The following FRMPD3 variants were observed in gnomAD, a reference collection of about 807,000 sequenced individuals.
FRMPD3 encodes the protein FERM and PDZ domain containing 3, also known as FERM and PDZ domain-containing protein 3.
FRMPD3 carries 42 observed loss-of-function variants against 97.9 expected under a neutral mutation model. That is an observed-to-expected ratio of 0.43 (90% CI 0.34 to 0.55). The LOEUF (loss-of-function observed/expected upper bound fraction) is 0.55. Ranked by LOEUF, FRMPD3 falls within the 20% of genes least tolerant of loss-of-function variation. FRMPD3 has a pLI of 0.03. For missense variants in FRMPD3, 1,303 were observed against 1,457.7 expected, an observed-to-expected ratio of 0.89 and a Z score of 1.73; for synonymous variants, 577 against 581.1, an observed-to-expected ratio of 0.99 and a Z score of 0.10.
Position 107,554,292 on chromosome X carries a change from C to T in FRMPD3, c.643-93C>T, listed in dbSNP as rs749650283. 1.8e-4 allele frequency: 177 copies of T among 962,643 alleles called. 1 individual carries two copies. The highest frequency in any genetic ancestry group is 4.9e-5 in the Non-Finnish European group (34 of 699,885). The allele number at this position is 962,643 out of a possible 1,213,427, so 79.3% of individuals were successfully genotyped here. On this transcript the variant is annotated intron_variant, in intron 7 of 14. Coordinates refer to ENST00000683843, the MANE Select transcript of FRMPD3 (RefSeq NM_001388459.1). ...AACAACAGCTTAGCTCTGCCCCAAG[C>T]CCCACCTTAAAGAGCCACTGAGCTG...
chrX:107,510,528 G>A, intron 1 of FRMPD3, among the ~76,000 whole-genome samples: 1 of 111,879 alleles, frequency 8.9e-6, no homozygotes, highest in Non-Finnish European at 1.9e-5. Flanking sequence ...CAACGTGGGG[G>A]AGGTACAGAG....
chrX:107,580,300 C>G (rs1923324710), intron 13 of FRMPD3, among the ~76,000 whole-genome samples: 1 of 111,866 alleles, frequency 8.9e-6, no homozygotes. Context: ...ATATGGGAGG[C>G]ATACTGTCCT....
At chrX:107,515,871 A>G (rs1015404875) in intron 1 of FRMPD3, among the ~76,000 whole-genome samples, 1 of 111,790 alleles carries the variant, frequency 8.9e-6, no homozygotes, top group African/African-American at 3.3e-5. Context: ...GAAAAGAAAC[A>G]TCCTCCATTT....
intron 4 of FRMPD3, among the ~76,000 whole-genome samples, chrX:107,544,234 C>A (rs1484234072): frequency 9.0e-6 from 1 of 111,438 alleles, no homozygotes; most frequent in Non-Finnish European, 1.9e-5. Flanking sequence ...TCACTAGAGG[C>A]TAAGGTTGGG....
intron 4 of FRMPD3, among the ~76,000 whole-genome samples, chrX:107,538,951 A>C (rs1921155018): frequency 8.9e-6 from 1 of 112,376 alleles, no homozygotes; most frequent in East Asian, 2.8e-4. Flanking sequence ...GAGCCACCAC[A>C]CCTGGCCTGG....
rs776737893 is a variant in FRMPD3 at position 107,603,469 on chromosome X, G to A, written c.*96G>A. On this transcript the variant is annotated 3_prime_UTR_variant, in exon 15 of 15. Coordinates refer to ENST00000683843, the MANE Select transcript of FRMPD3 (RefSeq NM_001388459.1). The stretch of plus-strand genomic sequence containing the variant: ...TGTGGTGAGTGTGTGTGTGTCTGCT[G>A]GGCCAGTCAGGGTCCAAGAGCCCAT... The A allele has an allele frequency of 3.2e-5, 35 of 1,095,340 alleles. No individual in the cohort carries two copies. The South Asian group carries it at 7.7e-4, about 24-fold the overall frequency. The allele number at this position is 1,095,340 out of a possible 1,213,427, so 90.3% of individuals were successfully genotyped here.
Position 107,602,218 on chromosome X carries a change from C to T in FRMPD3, c.4179C>T (p.Arg1393=), listed in dbSNP as rs760315217. 2 of 1,210,116 alleles carry T rather than the reference C, an allele frequency of 1.7e-6. No individual in the cohort carries two copies. Among genetic ancestry groups the T allele is most frequent in the South Asian group, 1.8e-5 (1 of 56,790 alleles). Residue 1393 remains arginine, a synonymous_variant, in exon 15 of 15, where the codon CGC becomes CGT. Transcript: ENST00000683843. ...CTCCCAATTACAGGAAACTGATGCG[C>T]CGCTACAGTATCAGTGAGCTGGACC... ...LGAPNYRKLM[R]RYSISELDQG...
chrX:107,466,397 G>A (rs914452018), intron 1 of FRMPD3, among the ~76,000 whole-genome samples: 6 of 112,549 alleles, frequency 5.3e-5, no homozygotes, highest in African/African-American at 1.9e-4. Flanking sequence ...TGAGCCAACA[G>A]TGAACAGAGT....
intron 1 of FRMPD3, among the ~76,000 whole-genome samples, chrX:107,523,346 T>G (rs1291931092): frequency 9.0e-6 from 1 of 111,652 alleles, no homozygotes; most frequent in African/African-American, 3.3e-5. Context: ...AACCCAGGGA[T>G]GAATGTGCTC....
chrX:107,511,246 C>G (rs1258069694), intron 1 of FRMPD3, among the ~76,000 whole-genome samples: 1 of 112,086 alleles, frequency 8.9e-6, no homozygotes, highest in Non-Finnish European at 1.9e-5. Flanking sequence ...CCAGCAACCC[C>G]CTCATCTACT....
chrX:107,563,126 G>A lies in FRMPD3; in HGVS notation c.1042G>A (p.Ala348Thr). The change falls in exon 11 of 15, where the codon GCA becomes ACA. Residue 348 changes from alanine (A) to threonine (T), a missense_variant. Coordinates refer to ENST00000683843, the MANE Select transcript of FRMPD3 (RefSeq NM_001388459.1). ...SCGTKGSAIQ[A>T]KLQYLRILNE... Reference sequence around the variant, plus strand: ...TTTTCCACAGGGCTCTGCAATTCAGGCAAAGCTCCAGTATCTACGAATTCT... The same window carrying A: ...TTTTCCACAGGGCTCTGCAATTCAGACAAAGCTCCAGTATCTACGAATTCT... 2 of 1,209,564 alleles carry A rather than the reference G, an allele frequency of 1.7e-6. No homozygotes were observed. Among genetic ancestry groups the A allele is most frequent in the Non-Finnish European group, 2.2e-6 (2 of 894,441 alleles).
rs1924569007 is a variant in FRMPD3 at position 107,602,371 on chromosome X, G to T, written c.4332G>T (p.Glu1444Asp). ...TGGGTCCCAAAAGCAGGTCTCTGGA[G>T]TCACCGACGCTGGGAGACCCCTCCT... is the stretch of plus-strand genomic sequence containing the variant. ...IALGPKSRSL[E>D]SPTLGDPSYV... Residue 1444 changes from glutamate to aspartate, a missense_variant, in exon 15 of 15, where the codon GAG becomes GAT. Glu to Asp is a conservative substitution (Grantham distance 45). This residue lies in a region of FRMPD3 where 764 missense variants were observed against 820.2 expected (regional missense o/e 0.93). Transcript: ENST00000683843. 1 of 1,208,973 alleles carries T rather than the reference G, an allele frequency of 8.3e-7. No homozygotes were observed.
rs775356143 is a variant in FRMPD3, at chrX:107,598,283, TAGGGTCAG to T, written c.2263+145_2263+152del. 8.3e-3 allele frequency: 4,262 copies of T among 515,887 alleles called. 26 individuals carry two copies. Among genetic ancestry groups the T allele is most frequent in the Non-Finnish European group, 0.011 (3,510 of 311,447 alleles). The allele number at this position is 515,887 out of a possible 1,213,427, so 42.5% of individuals were successfully genotyped here. ...GTGGATGTACCAAAGGTTCTTTAGA[TAGGGTCAG>T]AGGAGCAATGATGTTACAGCAGGGA... On this transcript the variant is annotated intron_variant, in intron 14 of 14. Transcript: ENST00000683843.
chrX:107,489,592 T>G lies in FRMPD3; in HGVS notation c.-7-36990T>G, dbSNP rs1212293272. 4.4e-5 allele frequency among the ~76,000 whole-genome samples: 5 copies of G among 112,474 alleles called. No homozygotes were observed. In the South Asian group the frequency reaches 1.1e-3, roughly 25 times the overall value. Reference sequence around the variant, plus strand: ...TGCATTTCTCTGATGGCCAGTGATGTTGAGCATTTTTTTCATGTGTTTTTT... The same window carrying G: ...TGCATTTCTCTGATGGCCAGTGATGGTGAGCATTTTTTTCATGTGTTTTTT... On this transcript the variant is annotated intron_variant, in intron 1 of 14. Transcript: ENST00000683843.
intron 1 of FRMPD3, among the ~76,000 whole-genome samples, chrX:107,517,771 A>G (rs1456629866): frequency 2.0e-5 from 2 of 99,962 alleles, no homozygotes; most frequent in African/African-American, 7.8e-5. Flanking sequence ...AAAAAAAAAA[A>G]AGAAAGAAAG....
At chrX:107,521,639 G>A (rs1461311520) in intron 1 of FRMPD3, among the ~76,000 whole-genome samples, 1 of 112,254 alleles carries the variant, frequency 8.9e-6, no homozygotes, top group African/African-American at 3.2e-5. Flanking sequence ...GGGGAATGTT[G>A]CATCTCATGG....
Position 107,597,566 on chromosome X carries a change from G to T in FRMPD3, c.1687G>T (p.Asp563Tyr). The T allele has an allele frequency of 8.3e-7, 1 of 1,210,923 alleles. No individual in the cohort carries two copies. ...FEETRPRTKS[D>Y]PTSKSSGQGY... is the part of the protein sequence containing the mutation. ...GGAGACCAGGCCCCGAACCAAGTCT[G>T]ACCCCACATCCAAAAGCTCTGGCCA... is the stretch of plus-strand genomic sequence containing the variant. Residue 563 changes from aspartate (D) to tyrosine (Y), a missense_variant, in exon 14 of 15, where the codon GAC (aspartate) becomes TAC (tyrosine). Transcript: ENST00000683843.
rs139055752 is a variant in FRMPD3 at position 107,487,806 on chromosome X, T to C, written c.-8+37801T>C. Among the ~76,000 whole-genome samples the C allele has an allele frequency of 7.8e-3, 877 of 112,166 alleles. 15 individuals are homozygous for C. Among genetic ancestry groups the C allele is most frequent in the African/African-American group, 0.027 (819 of 30,843 alleles). On this transcript the variant is annotated intron_variant, in intron 1 of 14. Transcript: ENST00000683843. The stretch of plus-strand genomic sequence containing the variant: ...AGTGCCGGTTGTCCATTTGTTTGTA[T>C]CTTTTCATGTCACCCAAAACGTGGA...
chrX:107,450,198 G>C (rs762029548), intron 1 of FRMPD3, among the ~76,000 whole-genome samples, 193 bp downstream of exon 1: 1 of 111,144 alleles, frequency 9.0e-6, no homozygotes, highest in Non-Finnish European at 1.9e-5. Flanking sequence ...GTAACGGCCC[G>C]TTGCGTGCCC....
Sources: allele counts gnomAD v4.1 joint callset (sites outside exome capture counted in the v4.1 genomes callset), GRCh38; gene constraint gnomAD v4.1.1; regional missense constraint gnomAD v4.1.1; transcripts MANE v1.5; gene names NCBI Gene and HGNC (gene_info 2026-07-23, HGNC 2026-07-21).